Variants in CFAP47 observed in about 807,000 individuals in gnomAD.
CFAP47 encodes cilia- and flagella-associated protein 47.
In CFAP47, 29 loss-of-function variants were observed where a neutral mutation model predicts 148.1. The ratio of observed to expected loss-of-function variants is 0.20; its 90% confidence interval spans 0.15 to 0.27. The LOEUF (loss-of-function observed/expected upper bound fraction) is 0.27, where lower values mean the gene tolerates loss of function less well. Among genes scored for constraint, CFAP47 ranks in the 10% least tolerant of loss-of-function variants. CFAP47 has a pLI of 1.00. For missense variants in CFAP47, 1,872 were observed against 1,697.5 expected (o/e 1.10, Z -1.81); for synonymous variants, 664 against 577.3 (o/e 1.15, Z -2.15).
intron 48 of CFAP47, among the ~76,000 whole-genome samples, chrX:36,244,945 A>G (rs1418845452): frequency 9.0e-6 from 1 of 111,688 alleles, no homozygotes; most frequent in Non-Finnish European, 1.9e-5. Context: ...ATGAAAGTAC[A>G]CACAAAAATC....
intron 51 of CFAP47, among the ~76,000 whole-genome samples, chrX:36,293,242 G>A (rs1385448852): frequency 2.7e-5 from 3 of 112,281 alleles, no homozygotes; most frequent in Non-Finnish European, 5.6e-5. Flanking sequence ...CCTGGGAACT[G>A]TAGATAATTA....
At position 35,971,872 on chromosome X, in the gene CFAP47, C is replaced by A; in HGVS notation, c.2161C>A (p.Leu721Ile). ...GGAAAAATATGATTTTTTACAGGTTCTCAAAGGACTTAAATCAGAACCATC... is the reference window on the plus strand; with the variant it reads ...GGAAAAATATGATTTTTTACAGGTTATCAAAGGACTTAAATCAGAACCATC... ...QEEESVRRKVLKGLKSEPSTP... is the reference protein window; with the variant it reads ...QEEESVRRKVIKGLKSEPSTP... The change falls in exon 13 of 64, where the codon CTC (leucine) becomes ATC (isoleucine). Residue 721 changes from leucine to isoleucine, a missense_variant. Physicochemically the swap from Leu to Ile is conservative, Grantham distance 5. Transcript: ENST00000378653. 8.4e-7 allele frequency: 1 copy of A among 1,195,258 alleles called. No homozygotes were observed. Among genetic ancestry groups the A allele is most frequent in the Non-Finnish European group, 1.1e-6 (1 of 884,014 alleles).
rs782001985 is a variant in CFAP47, at chrX:36,226,763, A to AT, written c.6818-1857dup. Reference sequence around the variant, plus strand: ...ACTCAGCAATCATTAGGAAATGAACATTTTTTTTGGAAAAAGAAATGTATA... The same window carrying AT: ...ACTCAGCAATCATTAGGAAATGAACATTTTTTTTTGGAAAAAGAAATGTATA... On this transcript the variant is annotated intron_variant, in intron 45 of 63. Coordinates refer to ENST00000378653, the MANE Select transcript of CFAP47 (RefSeq NM_001304548.2). 9.9e-3 allele frequency among the ~76,000 whole-genome samples: 1,097 copies of AT among 110,535 alleles called. 5 individuals carry two copies. Among genetic ancestry groups the AT allele is most frequent in the Non-Finnish European group, 0.016 (826 of 52,668 alleles).
At chrX:36,145,064 T>C in intron 35 of CFAP47, 155 bp from the exon 36 acceptor site, 1 of 358,580 alleles carries the variant, frequency 2.8e-6, no homozygotes. Context: ...TTCCCGTTTA[T>C]ATATATATAT....
chrX:36,353,453 A>G, intron 59 of CFAP47, 76 bp from the exon 60 acceptor site: 1 of 918,369 alleles, frequency 1.1e-6, no homozygotes, highest in South Asian at 2.3e-5. Flanking sequence ...TTTATGACAT[A>G]GTTCATTTTC....
chrX:36,011,974 T>TA (rs1350924997), intron 21 of CFAP47, among the ~76,000 whole-genome samples: 3 of 111,943 alleles, frequency 2.7e-5, no homozygotes, highest in African/African-American at 9.7e-5. Context: ...CTAGGGTTTT[T>TA]ATGGTTTTTG....
rs999386804 is a variant in CFAP47 at position 35,973,436 on chromosome X, G to A, written c.2254+1471G>A. On this transcript the variant is annotated intron_variant, in intron 13 of 63. Coordinates refer to ENST00000378653, the MANE Select transcript of CFAP47 (RefSeq NM_001304548.2). ...CATCTCCTGACCTCGTGATCCGCCC[G>A]CCTCGGCCTCCCAAAGTGCTGGGAT... Among the ~76,000 whole-genome samples, 4 of 111,564 alleles carry A rather than the reference G, an allele frequency of 3.6e-5. No homozygotes were observed. In the East Asian group the frequency reaches 8.5e-4, roughly 24 times the overall value.
chrX:36,339,316 A>G (rs1401621025), intron 57 of CFAP47, among the ~76,000 whole-genome samples: 1 of 111,455 alleles, frequency 9.0e-6, no homozygotes, highest in Non-Finnish European at 1.9e-5. Flanking sequence ...TCCTCTTAGT[A>G]TAGTGCAGAG....
At chrX:36,173,818 A>G (rs1029272694) in intron 39 of CFAP47, among the ~76,000 whole-genome samples, 2 of 111,637 alleles carry the variant, frequency 1.8e-5, no homozygotes, top group Non-Finnish European at 3.8e-5. Flanking sequence ...TATTAGGTCC[A>G]CTTGGTGCAG....
intron 53 of CFAP47, among the ~76,000 whole-genome samples, chrX:36,302,670 T>C (rs1255197098): frequency 1.8e-5 from 2 of 112,131 alleles, no homozygotes; most frequent in African/African-American, 6.5e-5. Context: ...ACCATTAGAA[T>C]TGATAGTTGA....
chrX:36,300,998 G>T, intron 52 of CFAP47, 74 bp from the exon 53 acceptor site: 1 of 546,025 alleles, frequency 1.8e-6, no homozygotes, highest in Non-Finnish European at 3.1e-6. Flanking sequence ...ACTAGTTTGG[G>T]GTATACTACT....
chrX:36,204,057 A>C (rs192264211), intron 44 of CFAP47, among the ~76,000 whole-genome samples: 1 of 111,343 alleles, frequency 9.0e-6, no homozygotes, highest in African/African-American at 3.3e-5. Context: ...TTCTTTTGAG[A>C]AGTGTCTGTT....
intron 25 of CFAP47, 138 bp from the exon 26 acceptor site, chrX:36,046,716 T>C (rs1365130142): frequency 2.4e-6 from 1 of 424,258 alleles, no homozygotes. Flanking sequence ...TACAAAGATA[T>C]CTTTAATAAT....
intron 8 of CFAP47, among the ~76,000 whole-genome samples, chrX:35,957,507 G>A (rs993003113): frequency 4.5e-5 from 5 of 111,901 alleles, no homozygotes; most frequent in African/African-American, 1.6e-4. Flanking sequence ...TCATTAGTAT[G>A]ACTCTCTCCC....
At chrX:35,959,638 C>A (rs1422200333) in intron 8 of CFAP47, among the ~76,000 whole-genome samples, 1 of 111,094 alleles carries the variant, frequency 9.0e-6, no homozygotes, top group Admixed American at 9.6e-5. Flanking sequence ...GAAACCCTGT[C>A]TCTACTAAAA....
At chrX:36,143,728 A>T (rs978505164) in intron 35 of CFAP47, among the ~76,000 whole-genome samples, 2 of 111,768 alleles carry the variant, frequency 1.8e-5, no homozygotes, top group Non-Finnish European at 3.8e-5. Flanking sequence ...TCCTGATACC[A>T]TTGCGCTGTA....
At chrX:35,951,694 T>TA (rs1390525572) in intron 5 of CFAP47, 109 bp from the exon 6 acceptor site, 2 of 807,231 alleles carry the variant, frequency 2.5e-6, no homozygotes, top group Non-Finnish European at 3.3e-6. Flanking sequence ...TAAAGATAGA[T>TA]ATTTGCTATT....
At position 36,228,749 on chromosome X, in the gene CFAP47, G is replaced by A. The variant is rs1555991890; in HGVS notation, c.6939G>A (p.Val2313=). ...DVRAYYVEGI[V]NEEQPEAKFE... Reference sequence around the variant, plus strand: ...GTGCCTATTATGTTGAAGGTATTGTGAATGAAGAACAACCAGAGGCCAAAT... The same window carrying A: ...GTGCCTATTATGTTGAAGGTATTGTAAATGAAGAACAACCAGAGGCCAAAT... The change falls in exon 46 of 64, where the codon GTG becomes GTA. Residue 2313 remains valine (V), a synonymous_variant. Transcript: ENST00000378653. 3.8e-6 allele frequency: 2 copies of A among 525,000 alleles called. No individual in the cohort carries two copies. Among genetic ancestry groups the A allele is most frequent in the South Asian group, 4.9e-5 (2 of 40,652 alleles). 43.3% of individuals were successfully genotyped at this position (525,000 alleles called of 1,213,427 possible).
chrX:35,951,407 G>A (rs1268440521), intron 5 of CFAP47, 48 bp downstream of exon 5: 1 of 817,627 alleles, frequency 1.2e-6, no homozygotes. Flanking sequence ...ACTTAAAAGA[G>A]ATTGTGTTAA....
Sources: allele counts gnomAD v4.1 joint callset (sites outside exome capture counted in the v4.1 genomes callset), GRCh38; gene constraint gnomAD v4.1.1; transcripts MANE v1.5; gene names NCBI Gene and HGNC (gene_info 2026-07-23, HGNC 2026-07-21).